The following PLAGL1 variants were observed in gnomAD, a reference collection of about 807,000 sequenced individuals.
PLAGL1 encodes PLAG1 like zinc finger 1.
In PLAGL1, 1 loss-of-function variant was observed where a neutral mutation model predicts 4.6. That is an observed-to-expected ratio of 0.22 (90% CI 0.08 to 1.03). The LOEUF is 1.03. Among genes scored for constraint, PLAGL1 ranks in the 50% least tolerant of loss-of-function variants. PLAGL1 has a pLI of 0.58. For synonymous variants in PLAGL1, 240 were observed against 237.8 expected (o/e 1.01, Z -0.08); for missense variants, 464 against 570.4 (o/e 0.81, Z 1.90).
intron 1 of PLAGL1, among the ~76,000 whole-genome samples, chr6:144,052,672 T>C (rs1452682863): frequency 1.3e-5 from 2 of 152,208 alleles, no homozygotes; most frequent in Non-Finnish European, 2.9e-5. Context: ...CTCAATATGC[T>C]GGCAGCTTCA....
chr6:143,997,724 T>G lies in PLAGL1; in HGVS notation c.-584+10366A>C, dbSNP rs1791973378. Reference sequence around the variant, plus strand: ...CTGGCGGGGAAGGAATAGATAAAACTAATCTACAGTGATGGACATCAGAAG... The same window carrying G: ...CTGGCGGGGAAGGAATAGATAAAACGAATCTACAGTGATGGACATCAGAAG... On this transcript the variant is annotated intron_variant, in intron 1 of 7. Coordinates refer to ENST00000674357, the MANE Select transcript of PLAGL1 (RefSeq NM_001317162.2). The surrounding 1 kb of genome is among the most constrained non-coding windows in gnomAD (Gnocchi z 4.6). Among the ~76,000 whole-genome samples the G allele has an allele frequency of 6.7e-6, 1 of 150,110 alleles. No individual in the cohort carries two copies. The highest frequency in any genetic ancestry group is 2.4e-5 in the African/African-American group (1 of 41,308).
rs1168818577 is a variant in PLAGL1 at position 143,960,523 on chromosome 6, G to C, written c.-379C>G. 1 of 152,198 alleles carries C rather than the reference G, an allele frequency of 6.6e-6. No homozygotes were observed. The highest frequency in any genetic ancestry group is 1.5e-5 in the Non-Finnish European group (1 of 68,034). 9.4% of individuals were successfully genotyped at this position (152,198 alleles called of 1,614,324 possible). On this transcript the variant is annotated 5_prime_UTR_variant, in exon 6 of 8. Transcript: ENST00000674357. The surrounding 1 kb of genome is among the most constrained non-coding windows in gnomAD (Gnocchi z 5.7). ...AGGCAGGGACCGAGTCCTCCCAGAAGTTTGTCTGAAGATTCAAACCTGTGA... is the reference window on the plus strand; with the variant it reads ...AGGCAGGGACCGAGTCCTCCCAGAACTTTGTCTGAAGATTCAAACCTGTGA...
chr6:143,946,829 TAACC>T (rs1486392565), intron 7 of PLAGL1, among the ~76,000 whole-genome samples: 5 of 152,216 alleles, frequency 3.3e-5, no homozygotes, highest in African/African-American at 2.4e-5. Flanking sequence ...GCATTTCCCT[TAACC>T]AAGTATCAAA....
In PLAGL1 at chr6:143,965,302, C is replaced by A. The variant is rs1372698642; in HGVS notation, c.-430-484G>T. 6.6e-6 allele frequency: 1 copy of A among 152,102 alleles called. No individual in the cohort carries two copies. The highest frequency in any genetic ancestry group is 1.5e-5 in the Non-Finnish European group (1 of 68,032). 9.4% of individuals were successfully genotyped at this position (152,102 alleles called of 1,614,324 possible). ...GACCTTCAGAAGAAGCTTATAAAGA[C>A]CCTGCTGGAAACTGAAGAGGATTTT... On this transcript the variant is annotated intron_variant, in intron 4 of 7. Coordinates refer to ENST00000674357, the MANE Select transcript of PLAGL1 (RefSeq NM_001317162.2). The surrounding 1 kb of genome is among the most constrained non-coding windows in gnomAD (Gnocchi z 7.5).
At position 144,062,596 on chromosome 6, in the gene PLAGL1, C is replaced by A. The variant is rs552351545; in HGVS notation, c.-151+1872G>T. On this transcript the variant is annotated intron_variant, in intron 1 of 3. Coordinates refer to the PLAGL1 transcript ENST00000437412. Reference sequence around the variant, plus strand: ...TTTTTGCCTCCCTTGGATGCTTTTCCCCCCAAACCTAGGGAGCTGCCCCTC... The same window carrying A: ...TTTTTGCCTCCCTTGGATGCTTTTCACCCCAAACCTAGGGAGCTGCCCCTC... Among the ~76,000 whole-genome samples the A allele has an allele frequency of 1.6e-3, 241 of 152,150 alleles. 1 individual carries two copies. The highest frequency in any genetic ancestry group is 5.4e-3 in the African/African-American group (226 of 41,494).
intron 7 of PLAGL1, among the ~76,000 whole-genome samples, chr6:143,946,766 A>C (rs1347326453): frequency 6.6e-6 from 1 of 152,216 alleles, no homozygotes; most frequent in African/African-American, 2.4e-5. Flanking sequence ...TTGTATGTGA[A>C]CAGTCAAAGT....
chr6:143,969,340 C>T (rs1374437000), intron 2 of PLAGL1, among the ~76,000 whole-genome samples: 2 of 152,032 alleles, frequency 1.3e-5, no homozygotes, highest in Non-Finnish European at 2.9e-5. Context: ...ATGGAGATAA[C>T]GATTACACCC....
rs1015434960 is a variant in PLAGL1, at chr6:143,963,985, A to G, written c.-399+802T>C. Among the ~76,000 whole-genome samples, 8 of 152,176 alleles carry G rather than the reference A, an allele frequency of 5.3e-5. No homozygotes were observed. Among genetic ancestry groups the G allele is most frequent in the Admixed American group, 5.2e-4 (8 of 15,284 alleles). On this transcript the variant is annotated intron_variant, in intron 5 of 7. Coordinates refer to ENST00000674357, the MANE Select transcript of PLAGL1 (RefSeq NM_001317162.2). This position sits in a 1 kb window ranked among gnomAD's most constrained non-coding sequence, Gnocchi z 6.1. Reference sequence around the variant, plus strand: ...AAGTCTGTCTTTGTTAACAATATCTAAACCCAGAGAAGAAATTCTGCTGGA... The same window carrying G: ...AAGTCTGTCTTTGTTAACAATATCTGAACCCAGAGAAGAAATTCTGCTGGA...
intron 1 of PLAGL1, among the ~76,000 whole-genome samples, chr6:144,060,310 A>C (rs1799293969): frequency 6.6e-6 from 1 of 152,150 alleles, no homozygotes; most frequent in Non-Finnish European, 1.5e-5. Context: ...TGGCCTCCCA[A>C]AGTGCTGGGA....
At chr6:143,996,469 G>C (rs1791634123) in intron 1 of PLAGL1, among the ~76,000 whole-genome samples, 1 of 151,882 alleles carries the variant, frequency 6.6e-6, no homozygotes, top group African/African-American at 2.4e-5. Context: ...ATTTTAAATG[G>C]GCACATGACT....
At chr6:144,042,721 G>A (rs2128718338) in intron 1 of PLAGL1, among the ~76,000 whole-genome samples, 1 of 152,252 alleles carries the variant, frequency 6.6e-6, no homozygotes, top group South Asian at 2.1e-4. Context: ...AAAGTCATTG[G>A]TAGCTTGATG....
chr6:143,971,151 A>G lies in PLAGL1; in HGVS notation c.-543-2173T>C, dbSNP rs1453956009. On this transcript the variant is annotated intron_variant, in intron 2 of 7. Coordinates refer to ENST00000674357, the MANE Select transcript of PLAGL1 (RefSeq NM_001317162.2). This position sits in a 1 kb window ranked among gnomAD's most constrained non-coding sequence, Gnocchi z 4.7. ...TGAGGGTGAGAGTCTACCAATGATC[A>G]AAGTCATGGTAATTTTTCTGTTTCA... 1.3e-5 allele frequency among the ~76,000 whole-genome samples: 2 copies of G among 151,994 alleles called. No homozygotes were observed. Among genetic ancestry groups the G allele is most frequent in the African/African-American group, 4.8e-5 (2 of 41,390 alleles).
intron 1 of PLAGL1, among the ~76,000 whole-genome samples, chr6:144,049,795 TA>T (rs1024150732): frequency 4.6e-5 from 7 of 152,278 alleles, no homozygotes; most frequent in African/African-American, 1.7e-4. Context: ...ATTTTTCAAA[TA>T]AAAAACTGAG....
chr6:144,012,145 G>A (rs1043310519), upstream of PLAGL1, among the ~76,000 whole-genome samples: 17 of 152,034 alleles, frequency 1.1e-4, no homozygotes, highest in African/African-American at 4.1e-4. The surrounding 1 kb of genome is among the most constrained non-coding windows in gnomAD (Gnocchi z 4.8). Context: ...TACATTATAA[G>A]GTTGTACTTT....
intron 1 of PLAGL1, among the ~76,000 whole-genome samples, chr6:144,038,138 G>A (rs1797405833): frequency 6.6e-6 from 1 of 152,306 alleles, no homozygotes; most frequent in Admixed American, 6.5e-5. Context: ...TCTGATGAAA[G>A]CGATAAGCCT....
Position 143,948,148 on chromosome 6 carries a change from C to T in PLAGL1, c.-12G>A, listed in dbSNP as rs1780219165. ...GGGAACGTGGCCATGGGCTTTGCTT[C>T]TCACACCTTCCTTTTCAGATGTGCT... is the stretch of plus-strand genomic sequence containing the variant. On this transcript the variant is annotated 5_prime_UTR_variant, in exon 7 of 8. Transcript: ENST00000674357. This position sits in a 1 kb window ranked among gnomAD's most constrained non-coding sequence, Gnocchi z 6.0. 1.2e-6 allele frequency: 2 copies of T among 1,611,594 alleles called. No homozygotes were observed. Among genetic ancestry groups the T allele is most frequent in the African/African-American group, 1.3e-5 (1 of 74,872 alleles).
rs1487229657 is a variant in PLAGL1, at chr6:143,947,627, C to G, written c.152+358G>C. Among the ~76,000 whole-genome samples the G allele has an allele frequency of 6.6e-6, 1 of 152,228 alleles. No homozygotes were observed. The highest frequency in any genetic ancestry group is 1.5e-5 in the Non-Finnish European group (1 of 68,038). ...GTCACAGCTTAAAGATTGTCCCCAT[C>G]TGAGAAGCCGTCCCAGGTTTCATCA... is the stretch of plus-strand genomic sequence containing the variant. On this transcript the variant is annotated intron_variant, in intron 7 of 7. Coordinates refer to ENST00000674357, the MANE Select transcript of PLAGL1 (RefSeq NM_001317162.2). This position sits in a 1 kb window ranked among gnomAD's most constrained non-coding sequence, Gnocchi z 4.3.
At position 144,015,941 on chromosome 6, in the gene PLAGL1, C is replaced by T. The variant is rs1325397790; in HGVS notation, c.-150-46963G>A. Among the ~76,000 whole-genome samples, 1 of 152,100 alleles carries T rather than the reference C, an allele frequency of 6.6e-6. No individual in the cohort carries two copies. The highest frequency in any genetic ancestry group is 1.5e-5 in the Non-Finnish European group (1 of 68,028). ...AGACTTAAATGCAAATATTCATATT[C>T]TCTCCAAACTGAAAACAACTCAAAT... On this transcript the variant is annotated intron_variant, in intron 1 of 3. Transcript: ENST00000437412. This position sits in a 1 kb window ranked among gnomAD's most constrained non-coding sequence, Gnocchi z 4.3.
chr6:143,986,465 G>A (rs1789188109), intron 1 of PLAGL1, among the ~76,000 whole-genome samples: 1 of 152,120 alleles, frequency 6.6e-6, no homozygotes, highest in African/African-American at 2.4e-5. Flanking sequence ...GGGATTGACA[G>A]GCAGCAGTTT....
Sources: allele counts gnomAD v4.1 joint callset (sites outside exome capture counted in the v4.1 genomes callset), GRCh38; gene constraint gnomAD v4.1.1; non-coding constraint Gnocchi (gnomAD v3.1); transcripts MANE v1.5; gene names NCBI Gene and HGNC (gene_info 2026-07-23, HGNC 2026-07-21).